The following GRID2 variants were observed in gnomAD, a reference collection of about 807,000 sequenced individuals.
GRID2 encodes glutamate receptor ionotropic, delta-2.
GRID2 carries 33 observed loss-of-function variants against 114.8 expected under a neutral mutation model. That is an observed-to-expected ratio of 0.29 (90% CI 0.22 to 0.38). The LOEUF (loss-of-function observed/expected upper bound fraction) is 0.38, where lower values mean the gene tolerates loss of function less well. GRID2 is among the 10% of genes least tolerant of loss of function. The pLI is 1.00. For missense variants in GRID2, 1,184 were observed against 1,257.7 expected (o/e 0.94, Z 0.89); for synonymous variants, 505 against 449.9 (o/e 1.12, Z -1.55).
intron 2 of GRID2, among the ~76,000 whole-genome samples, chr4:92,985,824 T>C (rs954879645): frequency 1.3e-5 from 2 of 152,180 alleles, no homozygotes; most frequent in Non-Finnish European, 2.9e-5. Context: ...GAGTTTGAAC[T>C]TCCTATTGAA....
chr4:93,377,745 C>G (rs147855728), intron 8 of GRID2, among the ~76,000 whole-genome samples: 1 of 152,208 alleles, frequency 6.6e-6, no homozygotes, highest in East Asian at 1.9e-4. Flanking sequence ...TTTCAAGAGT[C>G]TTTTCCCTCT....
chr4:92,658,789 GTGTGTATATA>G (rs200140109), intron 2 of GRID2, among the ~76,000 whole-genome samples: 7 of 51,474 alleles, frequency 1.4e-4, no homozygotes, highest in African/African-American at 5.1e-4. Flanking sequence ...ATGTGTGTGT[GTGTGTATATA>G]TATATATATA....
chr4:93,592,467 T>A lies in GRID2; in HGVS notation c.2194-33802T>A, dbSNP rs540037535. 5.7e-3 allele frequency among the ~76,000 whole-genome samples: 863 copies of A among 152,298 alleles called. 12 individuals carry two copies. Among genetic ancestry groups the A allele is most frequent in the African/African-American group, 0.019 (793 of 41,558 alleles). Reference sequence around the variant, plus strand: ...TCTTTTACATTTGCTGAGGAGTGCTTTACTTCCAAGTATGTGGTCAATTTT... The same window carrying A: ...TCTTTTACATTTGCTGAGGAGTGCTATACTTCCAAGTATGTGGTCAATTTT... On this transcript the variant is annotated intron_variant, in intron 13 of 15. Transcript: ENST00000282020.
chr4:93,155,729 T>C (rs992536887), intron 4 of GRID2, among the ~76,000 whole-genome samples: 3 of 151,692 alleles, frequency 2.0e-5, no homozygotes, highest in African/African-American at 4.8e-5. Context: ...TGACTTCATG[T>C]GGACAGAGCA....
chr4:92,942,937 C>G (rs1003231701), intron 2 of GRID2, among the ~76,000 whole-genome samples: 2 of 152,196 alleles, frequency 1.3e-5, no homozygotes, highest in Admixed American at 1.3e-4. Context: ...GCCGAGAGAT[C>G]TGCTGTTATT....
intron 2 of GRID2, among the ~76,000 whole-genome samples, chr4:92,721,309 ATATTT>A (rs1234387080): frequency 2.6e-5 from 4 of 151,848 alleles, no homozygotes; most frequent in Non-Finnish European, 5.9e-5. Flanking sequence ...AATTTTATGT[ATATTT>A]TATTTTACCA....
In GRID2 at chr4:92,869,337, T is replaced by C. The variant is rs557970753; in HGVS notation, c.245-215658T>C. ...TCAATACAGAAGCTTTTAGCAGTCATATGTGAGGCAGTACCCAAAAAACAT... is the reference window on the plus strand; with the variant it reads ...TCAATACAGAAGCTTTTAGCAGTCACATGTGAGGCAGTACCCAAAAAACAT... On this transcript the variant is annotated intron_variant, in intron 2 of 15. Transcript: ENST00000282020. Among the ~76,000 whole-genome samples, 31 of 152,318 alleles carry C rather than the reference T, an allele frequency of 2.0e-4. 1 individual carries two copies. The highest frequency in any genetic ancestry group is 2.8e-4 in the Non-Finnish European group (19 of 68,026).
chr4:93,677,583 C>T (rs1384485472), intron 14 of GRID2, among the ~76,000 whole-genome samples: 2 of 152,134 alleles, frequency 1.3e-5, no homozygotes, highest in African/African-American at 4.8e-5. Flanking sequence ...TGAGACAAAA[C>T]TTCCAGAGGA....
chr4:92,480,793 C>T (rs1016334622), intron 1 of GRID2, among the ~76,000 whole-genome samples: 1 of 152,084 alleles, frequency 6.6e-6, no homozygotes, highest in African/African-American at 2.4e-5. Flanking sequence ...TTTGGGGGTG[C>T]CATCCCTCAA....
chr4:93,408,334 G>A (rs1002688319), intron 9 of GRID2, among the ~76,000 whole-genome samples: 16 of 151,796 alleles, frequency 1.1e-4, no homozygotes, highest in African/African-American at 3.6e-4. Context: ...AACATATGCT[G>A]AGAAATGCAA....
chr4:92,917,461 A>G (rs111396707), intron 2 of GRID2, among the ~76,000 whole-genome samples: 2,252 of 152,164 alleles, frequency 0.015, 20 homozygotes, highest in East Asian at 0.054. Flanking sequence ...ATGGTATTGC[A>G]TAGGTTTTCG....
At chr4:93,678,114 G>A (rs1227550366) in intron 14 of GRID2, among the ~76,000 whole-genome samples, 1 of 152,156 alleles carries the variant, frequency 6.6e-6, no homozygotes, top group Non-Finnish European at 1.5e-5. Context: ...CAAGGCTCGA[G>A]AACTGCATGA....
At chr4:93,062,707 C>T (rs1727914340) in intron 2 of GRID2, among the ~76,000 whole-genome samples, 1 of 151,770 alleles carries the variant, frequency 6.6e-6, no homozygotes, top group Non-Finnish European at 1.5e-5. Flanking sequence ...TAAAATAAAC[C>T]TTTAGATAGT....
At chr4:92,320,623 C>T (rs145415524) in intron 1 of GRID2, among the ~76,000 whole-genome samples, 45 of 151,988 alleles carry the variant, frequency 3.0e-4, no homozygotes, top group Non-Finnish European at 4.7e-4. Flanking sequence ...TACAGGCACA[C>T]GCCACCAACA....
At chr4:92,568,551 AT>A (rs1727451545) in intron 1 of GRID2, among the ~76,000 whole-genome samples, 1 of 151,928 alleles carries the variant, frequency 6.6e-6, no homozygotes, top group Admixed American at 6.6e-5. Context: ...GAAGTGCAAA[AT>A]TTCATTAAAA....
At chr4:93,559,871 C>T (rs1734716275) in intron 13 of GRID2, among the ~76,000 whole-genome samples, 1 of 152,084 alleles carries the variant, frequency 6.6e-6, no homozygotes, top group Admixed American at 6.6e-5. Flanking sequence ...AAATGTGGCA[C>T]ATATGCACCA....
At chr4:92,974,682 C>T (rs1209064225) in intron 2 of GRID2, among the ~76,000 whole-genome samples, 2 of 148,500 alleles carry the variant, frequency 1.3e-5, no homozygotes, top group Admixed American at 6.8e-5. Context: ...CAGAACGTGT[C>T]GCGGGGGTAG....
intron 2 of GRID2, among the ~76,000 whole-genome samples, chr4:92,757,228 GAGAAT>G (rs1177009230): frequency 6.6e-6 from 1 of 152,002 alleles, no homozygotes; most frequent in Non-Finnish European, 1.5e-5. Flanking sequence ...ATTTTGCATG[GAGAAT>G]ACATTGTGGA....
At chr4:93,206,559 C>T (rs1007495783) in intron 4 of GRID2, among the ~76,000 whole-genome samples, 1 of 148,522 alleles carries the variant, frequency 6.7e-6, no homozygotes, top group Non-Finnish European at 1.5e-5. Context: ...GATTTATTAG[C>T]GTAGAAACCT....
Sources: gnomAD v4.1 joint callset for allele counts (sites outside exome capture counted in the v4.1 genomes callset) on GRCh38, gnomAD v4.1.1 for gene constraint, MANE v1.5 for transcripts, NCBI Gene and HGNC (gene_info 2026-07-23, HGNC 2026-07-21) for gene names.